Variants in CD34 observed in about 807,000 individuals in gnomAD.
CD34 encodes hematopoietic progenitor cell antigen CD34.
In CD34, 34 loss-of-function variants were observed where a neutral mutation model predicts 40.1. The ratio of observed to expected loss-of-function variants is 0.85; its 90% CI spans 0.65 to 1.13. CD34 has a LOEUF of 1.13. CD34 is among the 50% of genes most tolerant of loss of function. The pLI is 0.00. For synonymous variants in CD34, 209 were observed against 190.0 expected (o/e 1.10, Z -0.82); for missense variants, 426 against 466.9 (o/e 0.91, Z 0.81).
intron 1 of CD34, among the ~76,000 whole-genome samples, chr1:207,907,560 A>G (rs1662405583): frequency 6.6e-6 from 1 of 152,204 alleles, no homozygotes; most frequent in Non-Finnish European, 1.5e-5. Context: ...ATTTTTCCAA[A>G]TAAAGAAGAA....
chr1:207,899,507 G>T (rs1344552055), intron 2 of CD34, among the ~76,000 whole-genome samples: 1 of 152,118 alleles, frequency 6.6e-6, no homozygotes, highest in African/African-American at 2.4e-5. Flanking sequence ...CTTTCCTTTA[G>T]AAGAGATCGG....
At position 207,887,804 on chromosome 1, in the gene CD34, G is replaced by C. The variant is rs147168836; in HGVS notation, c.1092C>G (p.Thr364=). The C allele has an allele frequency of 3.1e-6, 5 of 1,614,156 alleles. No individual in the cohort carries two copies. The highest frequency in any genetic ancestry group is 8.5e-7 in the Non-Finnish European group (1 of 1,180,032). ...SVNRGAQENG[T]GQATSRNGHS... ...GGCCGTTTCTGGAGGTGGCCTGGCCGGTCCCGTTTTCCTGAGCCCCTCGGT... is the reference window on the plus strand; with the variant it reads ...GGCCGTTTCTGGAGGTGGCCTGGCCCGTCCCGTTTTCCTGAGCCCCTCGGT... Residue 364 remains threonine (T), a synonymous_variant, in exon 8 of 8, where the codon ACC becomes ACG. Coordinates refer to ENST00000310833, the MANE Select transcript of CD34 (RefSeq NM_001025109.2).
At chr1:207,897,433 G>T in intron 4 of CD34, 60 bp downstream of exon 4, 1 of 1,248,684 alleles carries the variant, frequency 8.0e-7, no homozygotes, top group Non-Finnish European at 1.1e-6. Context: ...AGGGTGTTCA[G>T]AAGGGATGGA....
intron 6 of CD34, 45 bp from the exon 7 acceptor site, chr1:207,888,891 G>C: frequency 6.3e-7 from 1 of 1,597,528 alleles, no homozygotes; most frequent in Non-Finnish European, 8.6e-7. Flanking sequence ...CTTGCCAAAA[G>C]TGGAGCCCAG....
intron 1 of CD34, among the ~76,000 whole-genome samples, chr1:207,903,349 A>C (rs1662315859): frequency 6.6e-6 from 1 of 152,224 alleles, no homozygotes; most frequent in Non-Finnish European, 1.5e-5. Context: ...CCAGTCAGTG[A>C]GAGCTTGTCA....
chr1:207,899,315 C>A, intron 2 of CD34, 89 bp from the exon 3 acceptor site: 1 of 1,390,634 alleles, frequency 7.2e-7, no homozygotes, highest in Non-Finnish European at 1.0e-6. Flanking sequence ...TGCACTTCAA[C>A]ACAGAAAAGG....
intron 4 of CD34, chr1:207,890,039 G>A: frequency 1.5e-6 from 2 of 1,371,590 alleles, no homozygotes; most frequent in South Asian, 3.3e-5. Flanking sequence ...CAAGGGAGGT[G>A]AGGAGGAGAG....
chr1:207,906,835 ACTT>A, intron 1 of CD34, among the ~76,000 whole-genome samples: 1 of 146,618 alleles, frequency 6.8e-6, no homozygotes, highest in African/African-American at 2.5e-5. Flanking sequence ...CAAGAGAGAA[ACTT>A]CTTCTCAAAT....
At chr1:207,899,271 T>C (rs758534429) in intron 2 of CD34, 45 bp from the exon 3 acceptor site, 3 of 1,599,918 alleles carry the variant, frequency 1.9e-6, no homozygotes, top group South Asian at 1.1e-5. Context: ...CATGTGCTCA[T>C]AGATACACAA....
chr1:207,900,991 AC>A (rs1355147980), intron 1 of CD34, among the ~76,000 whole-genome samples: 1 of 134,262 alleles, frequency 7.4e-6, no homozygotes, highest in Non-Finnish European at 1.6e-5. Context: ...ATCCTGGGAT[AC>A]ATACTTTTTT....
Position 207,887,728 on chromosome 1 carries a change from C to A in CD34, c.*10G>T. The A allele has an allele frequency of 2.5e-6, 4 of 1,614,074 alleles. No individual in the cohort carries two copies. The highest frequency in any genetic ancestry group is 3.4e-6 in the Non-Finnish European group (4 of 1,179,968). On this transcript the variant is annotated 3_prime_UTR_variant, in exon 8 of 8. Transcript: ENST00000310833. ...TCGGACACTGCCCAGCCTTGCCCCACCTAGCCGAGTCACAATTCGGTATCA... is the reference window on the plus strand; with the variant it reads ...TCGGACACTGCCCAGCCTTGCCCCAACTAGCCGAGTCACAATTCGGTATCA...
At position 207,887,359 on chromosome 1, in the gene CD34, T is replaced by C. The variant is rs748827536; in HGVS notation, c.*379A>G. 4 of 193,002 alleles carry C rather than the reference T, an allele frequency of 2.1e-5. No individual in the cohort carries two copies. The highest frequency in any genetic ancestry group is 5.7e-5 in the Admixed American group (1 of 17,592). 12.0% of individuals were successfully genotyped at this position (193,002 alleles called of 1,614,324 possible). A position where few individuals can be genotyped will look rare whatever the true frequency, so the allele number is the denominator to read the frequency against. On this transcript the variant is annotated 3_prime_UTR_variant, in exon 8 of 8. Transcript: ENST00000310833. ...AAAATCAAAGCTTCCTGGGAGAAAA[T>C]TGTAGCCTAGAAAAGCTCATCTTTC...
chr1:207,893,110 G>T (rs1358798550), intron 4 of CD34, among the ~76,000 whole-genome samples: 3 of 152,156 alleles, frequency 2.0e-5, no homozygotes, highest in Non-Finnish European at 4.4e-5. Context: ...GAGTGGGCAG[G>T]AGGAAGACAC....
In CD34 at chr1:207,887,798, C is replaced by T. The variant is rs752078001; in HGVS notation, c.1098G>A (p.Gln366=). Residue 366 remains glutamine, a synonymous_variant, in exon 8 of 8, where the codon CAG becomes CAA. Coordinates refer to ENST00000310833, the MANE Select transcript of CD34 (RefSeq NM_001025109.2). Reference sequence around the variant, plus strand: ...CTGAATGGCCGTTTCTGGAGGTGGCCTGGCCGGTCCCGTTTTCCTGAGCCC... The same window carrying T: ...CTGAATGGCCGTTTCTGGAGGTGGCTTGGCCGGTCCCGTTTTCCTGAGCCC... ...NRGAQENGTG[Q]ATSRNGHSAR... is the part of the protein sequence containing the mutation. 4.5e-5 allele frequency: 72 copies of T among 1,614,060 alleles called. No individual in the cohort carries two copies. The highest frequency in any genetic ancestry group is 5.8e-5 in the Non-Finnish European group (68 of 1,180,042).
intron 1 of CD34, among the ~76,000 whole-genome samples, chr1:207,903,693 A>T (rs940222763): frequency 6.6e-5 from 10 of 152,238 alleles, no homozygotes; most frequent in African/African-American, 2.4e-4. Context: ...TTCAGAGTCA[A>T]TTATTCTTGT....
rs528772883 is a variant in CD34, at chr1:207,888,714, G to T, written c.940C>A (p.Arg314Ser). 1.2e-6 allele frequency: 2 copies of T among 1,614,202 alleles called. No individual in the cohort carries two copies. Among genetic ancestry groups the T allele is most frequent in the East Asian group, 4.5e-5 (2 of 44,894 alleles). ...LGITGYFLMN[R>S]RSWSPTGERL... ...TCTCCTGTGGGGCTCCAGCTGCGGC[G>T]ATTCATCAGGAAATAGCCAGTGATG... Residue 314 changes from arginine (R) to serine (S), a missense_variant, in exon 7 of 8, where the codon CGC becomes AGC. Transcript: ENST00000310833.
At chr1:207,909,501 T>A (rs1662455388) in intron 1 of CD34, among the ~76,000 whole-genome samples, 1 of 152,036 alleles carries the variant, frequency 6.6e-6, no homozygotes, top group African/African-American at 2.4e-5. Context: ...CTCCGCCTCC[T>A]GGGTTCAAGG....
At chr1:207,909,392 T>G (rs1188858346) in intron 1 of CD34, among the ~76,000 whole-genome samples, 2 of 152,006 alleles carry the variant, frequency 1.3e-5, no homozygotes, top group Non-Finnish European at 2.9e-5. Context: ...ACCCCTGTTT[T>G]TTTGTTTTTT....
At chr1:207,902,232 A>G (rs1662285761) in intron 1 of CD34, among the ~76,000 whole-genome samples, 2 of 152,196 alleles carry the variant, frequency 1.3e-5, no homozygotes, top group African/African-American at 4.8e-5. Context: ...TGCTGCCCAA[A>G]AGGAAGGCCA....
Sources: gnomAD v4.1 joint callset for allele counts (sites outside exome capture counted in the v4.1 genomes callset) on GRCh38, gnomAD v4.1.1 for gene constraint, MANE v1.5 for transcripts, NCBI Gene and HGNC (gene_info 2026-07-23, HGNC 2026-07-21) for gene names.